Variants in FGF13 observed in about 807,000 individuals in gnomAD.
FGF13 encodes fibroblast growth factor homologous factor 2.
A neutral mutation model predicts 19.5 loss-of-function variants in FGF13; 2 were observed. The ratio of observed to expected loss-of-function variants is 0.10; its 90% CI spans 0.04 to 0.32. FGF13 has a LOEUF of 0.32. Among genes scored for constraint, FGF13 ranks in the 10% least tolerant of loss-of-function variants. The probability of loss-of-function intolerance (pLI) is 1.00; values close to 1 mark genes in which losing one functional copy is unlikely to be tolerated. For missense variants in FGF13, 113 were observed against 192.7 expected (o/e 0.59, Z 2.45); for synonymous variants, 72 against 76.9 (o/e 0.94, Z 0.33).
At chrX:138,679,299 G>C (rs757332737) in intron 3 of FGF13, among the ~76,000 whole-genome samples, 3 of 109,541 alleles carry the variant, frequency 2.7e-5, no homozygotes, top group Non-Finnish European at 5.7e-5. Context: ...GGCTGGTCTT[G>C]AACTCATGGG....
upstream of FGF13, among the ~76,000 whole-genome samples, chrX:138,715,557 A>G (rs1421709739): frequency 8.9e-6 from 1 of 112,538 alleles, no homozygotes; most frequent in African/African-American, 3.2e-5. Flanking sequence ...AAATGAAAAG[A>G]TTCTGGTACT....
At chrX:138,753,654 T>C (rs987167050) in intron 3 of FGF13, among the ~76,000 whole-genome samples, 8 of 112,058 alleles carry the variant, frequency 7.1e-5, no homozygotes, top group Non-Finnish European at 1.5e-4. Flanking sequence ...TCTGTGAAAG[T>C]AGATGTTTCT....
intron 3 of FGF13, among the ~76,000 whole-genome samples, chrX:138,664,558 TGAGAGAGA>T (rs3831715): frequency 1.9e-5 from 2 of 104,335 alleles, no homozygotes; most frequent in Non-Finnish European, 3.9e-5. Flanking sequence ...TTTGCATGTG[TGAGAGAGA>T]GAGAGAGAGA....
chrX:138,702,523 G>A (rs1465768120), intron 3 of FGF13, among the ~76,000 whole-genome samples: 2 of 112,121 alleles, frequency 1.8e-5, no homozygotes, highest in East Asian at 5.6e-4. Flanking sequence ...CAGGAATCCT[G>A]TTCAATTAAA....
chrX:138,875,222 ACT>A (rs1459693722), intron 1 of FGF13, among the ~76,000 whole-genome samples: 1 of 94,537 alleles, frequency 1.1e-5, no homozygotes, highest in African/African-American at 4.1e-5. Context: ...ACAGAGCGAG[ACT>A]CTGTCTCAAA....
chrX:138,887,411 T>G (rs774126190), intron 1 of FGF13, among the ~76,000 whole-genome samples: 1 of 111,741 alleles, frequency 8.9e-6, no homozygotes, highest in African/African-American at 3.3e-5. Context: ...GAACAAAAGC[T>G]AAGCTACCTC....
chrX:138,899,120 T>A (rs763548742), intron 1 of FGF13, among the ~76,000 whole-genome samples: 1 of 111,861 alleles, frequency 8.9e-6, no homozygotes, highest in African/African-American at 3.2e-5. Flanking sequence ...TTATTTAGTC[T>A]TTTATTCAAG....
intron 4 of FGF13, among the ~76,000 whole-genome samples, chrX:138,633,598 T>G (rs181884414): frequency 2.6e-4 from 29 of 112,287 alleles, no homozygotes; most frequent in African/African-American, 9.4e-4. Flanking sequence ...AGTCTAAGTA[T>G]TGGATAATTC....
chrX:138,809,964 A>C (rs1221868295), intron 3 of FGF13, among the ~76,000 whole-genome samples: 1 of 111,959 alleles, frequency 8.9e-6, no homozygotes, highest in Non-Finnish European at 1.9e-5. Flanking sequence ...AAACGGAAGA[A>C]CATCCCATGC....
At chrX:139,019,953 TATC>T (rs750050028) in intron 1 of FGF13, among the ~76,000 whole-genome samples, 1 of 110,450 alleles carries the variant, frequency 9.1e-6, no homozygotes, top group South Asian at 3.9e-4. Flanking sequence ...CAACCACTGT[TATC>T]ATCATTAAAT....
intron 1 of FGF13, among the ~76,000 whole-genome samples, chrX:138,875,550 C>A (rs144022470): frequency 8.9e-6 from 1 of 111,868 alleles, no homozygotes; most frequent in East Asian, 2.8e-4. Flanking sequence ...CCATGTGGTG[C>A]CCAGATAGTT....
chrX:139,106,742 T>C lies in FGF13; in HGVS notation c.-113+96674A>G, dbSNP rs1214734448. Among the ~76,000 whole-genome samples, 7 of 112,585 alleles carry C rather than the reference T, an allele frequency of 6.2e-5. No homozygotes were observed. In the East Asian group the frequency reaches 1.1e-3, roughly 18 times the overall value. On this transcript the variant is annotated intron_variant, in intron 1 of 2. Transcript: ENST00000421460. ...ATGAAAATACTACATAAAGTTCAAA[T>C]GTAGTTTTGACATTCTTTACAAAGG...
intron 1 of FGF13, among the ~76,000 whole-genome samples, chrX:139,176,255 T>A (rs1232908016): frequency 8.9e-6 from 1 of 111,786 alleles, no homozygotes; most frequent in South Asian, 3.7e-4. Flanking sequence ...ATATCCCGTT[T>A]ATCATTTTTT....
chrX:139,099,693 G>A (rs1200703000), intron 1 of FGF13, among the ~76,000 whole-genome samples: 2 of 111,282 alleles, frequency 1.8e-5, no homozygotes, highest in Non-Finnish European at 3.8e-5. Context: ...AGGTGGGGAG[G>A]AGGAAGGAAA....
intron 3 of FGF13, among the ~76,000 whole-genome samples, chrX:138,830,687 T>TTGTGTGTGTGTGTG (rs144759178): frequency 0.019 from 1,684 of 87,479 alleles, 33 homozygotes; most frequent in Middle Eastern, 0.027. Flanking sequence ...AAAGGGGTGT[T>TTGTGTGTGTGTGTG]TGTGTGTGTG....
intron 3 of FGF13, among the ~76,000 whole-genome samples, chrX:138,782,261 G>C (rs368708166): frequency 5.5e-4 from 62 of 112,331 alleles, no homozygotes; most frequent in African/African-American, 1.0e-3. Flanking sequence ...GACAGGGATG[G>C]CCTCTCTCAC....
intron 3 of FGF13, among the ~76,000 whole-genome samples, chrX:138,673,742 GAGAA>G (rs1199032295): frequency 2.7e-5 from 3 of 111,334 alleles, no homozygotes; most frequent in East Asian, 2.8e-4. Context: ...ATGAGAGAGA[GAGAA>G]AGAAAGAAAA....
intron 3 of FGF13, among the ~76,000 whole-genome samples, chrX:138,669,965 C>T (rs778361710): frequency 2.7e-5 from 3 of 111,616 alleles, no homozygotes; most frequent in Non-Finnish European, 5.7e-5. Context: ...TACATGCAAA[C>T]CTGTCACACT....
intron 3 of FGF13, among the ~76,000 whole-genome samples, chrX:138,649,266 G>A (rs747202153): frequency 1.8e-5 from 2 of 111,667 alleles, no homozygotes; most frequent in Non-Finnish European, 3.8e-5. Context: ...GTCATTACAT[G>A]ATGATGGCTA....
Sources: gnomAD v4.1 joint callset for allele counts (sites outside exome capture counted in the v4.1 genomes callset) on GRCh38, gnomAD v4.1.1 for gene constraint, MANE v1.5 for transcripts, NCBI Gene and HGNC (gene_info 2026-07-23, HGNC 2026-07-21) for gene names.